The following ERC1 variants were observed in gnomAD, a reference collection of about 807,000 sequenced individuals.
The protein encoded by ERC1 is RAB6 interacting protein 2.
ERC1 carries 56 observed loss-of-function variants against 132.0 expected under a neutral mutation model. The observed-to-expected ratio is 0.42, with a 90% confidence interval of 0.34 to 0.53. The LOEUF (loss-of-function observed/expected upper bound fraction) is 0.53. Ranked by LOEUF, ERC1 falls within the 20% of genes least tolerant of loss-of-function variation. ERC1 has a pLI of 0.03. For synonymous variants in ERC1, 478 were observed against 476.1 expected, an observed-to-expected ratio of 1.00 and a Z score of -0.05; for missense variants, 1,202 against 1,349.9, an observed-to-expected ratio of 0.89 and a Z score of 1.72.
chr12:1,067,392 A>G (rs930703676), intron 2 of ERC1, among the ~76,000 whole-genome samples: 5 of 152,232 alleles, frequency 3.3e-5, no homozygotes, highest in African/African-American at 1.2e-4. Flanking sequence ...AAGTAATGTT[A>G]ATAAATGGTA....
intron 12 of ERC1, among the ~76,000 whole-genome samples, chr12:1,200,406 G>A (rs187763128): frequency 9.9e-5 from 15 of 151,990 alleles, no homozygotes; most frequent in African/African-American, 3.6e-4. Context: ...ACCTCCTTTC[G>A]CTAGTAATCT....
chr12:1,057,597 T>C (rs887851115), intron 2 of ERC1, among the ~76,000 whole-genome samples: 1 of 144,568 alleles, frequency 6.9e-6, no homozygotes, highest in Non-Finnish European at 1.5e-5. Flanking sequence ...TTTTTTTTTT[T>C]TTTTTTTTTT....
intron 8 of ERC1, among the ~76,000 whole-genome samples, chr12:1,154,962 C>T (rs574484874): frequency 4.6e-5 from 7 of 152,196 alleles, no homozygotes; most frequent in South Asian, 2.1e-4. Flanking sequence ...TTGGAGCAAA[C>T]GTAAATTAGT....
At chr12:1,372,045 G>T in intron 16 of ERC1, 68 bp downstream of exon 16, 1 of 1,556,962 alleles carries the variant, frequency 6.4e-7, no homozygotes, top group Non-Finnish European at 8.7e-7. Flanking sequence ...ACAGGTCTTT[G>T]CCAGCTTGTA....
At chr12:1,022,978 A>G (rs1400297540) in intron 1 of ERC1, among the ~76,000 whole-genome samples, 9 of 152,112 alleles carry the variant, frequency 5.9e-5, no homozygotes, top group Non-Finnish European at 1.0e-4. Context: ...TCCTGCCGCC[A>G]TGTGAAGAAG....
intron 12 of ERC1, among the ~76,000 whole-genome samples, chr12:1,197,955 G>A (rs1594151308): frequency 6.6e-6 from 1 of 151,312 alleles, no homozygotes; most frequent in South Asian, 2.1e-4. Flanking sequence ...TTTGAGGCAG[G>A]GTCTCTCTCA....
intron 16 of ERC1, among the ~76,000 whole-genome samples, chr12:1,399,566 C>T (rs2090845025): frequency 2.0e-5 from 3 of 152,210 alleles, no homozygotes; most frequent in Non-Finnish European, 4.4e-5. Context: ...TTCCCCCAGG[C>T]CTGGCAACCA....
chr12:1,075,159 T>G (rs1941125260), intron 2 of ERC1, among the ~76,000 whole-genome samples: 1 of 152,122 alleles, frequency 6.6e-6, no homozygotes, highest in African/African-American at 2.4e-5. Context: ...ATTAGTTTCT[T>G]CTTTTAAAAT....
chr12:1,095,919 C>T (rs142948226), intron 3 of ERC1, among the ~76,000 whole-genome samples: 8 of 149,514 alleles, frequency 5.4e-5, no homozygotes, highest in East Asian at 3.9e-4. Flanking sequence ...CTTTATTGTA[C>T]GCAGGGAAGG....
intron 10 of ERC1, among the ~76,000 whole-genome samples, chr12:1,182,412 T>A (rs888248784): frequency 6.6e-6 from 1 of 152,138 alleles, no homozygotes; most frequent in African/African-American, 2.4e-5. Context: ...AGGAGGAAAT[T>A]TTATGTATAG....
At chr12:1,482,466 G>A (rs941989392) in intron 18 of ERC1, among the ~76,000 whole-genome samples, 24 of 152,044 alleles carry the variant, frequency 1.6e-4, no homozygotes. Context: ...GTTTGTTTGA[G>A]ATGGAGTTTC....
At chr12:1,450,368 C>A (rs951771010) in intron 18 of ERC1, among the ~76,000 whole-genome samples, 3 of 152,196 alleles carry the variant, frequency 2.0e-5, no homozygotes, top group South Asian at 4.1e-4. Flanking sequence ...TGATTTTACT[C>A]CTGTAAGGGT....
chr12:1,075,224 G>A (rs1053603635), intron 2 of ERC1, among the ~76,000 whole-genome samples: 3 of 151,968 alleles, frequency 2.0e-5, no homozygotes, highest in Non-Finnish European at 2.9e-5. Flanking sequence ...TGTACAAAGT[G>A]GGGTTATATC....
intron 15 of ERC1, among the ~76,000 whole-genome samples, chr12:1,359,861 C>G (rs779256211): frequency 6.6e-6 from 1 of 152,066 alleles, no homozygotes; most frequent in Non-Finnish European, 1.5e-5. Flanking sequence ...AAAAGAGTTA[C>G]GTCATCTTTA....
intron 18 of ERC1, among the ~76,000 whole-genome samples, chr12:1,466,722 A>G (rs867827792): frequency 6.6e-6 from 1 of 152,178 alleles, no homozygotes; most frequent in Middle Eastern, 3.2e-3. Context: ...TTACTTCAAT[A>G]AAGAATGCTG....
intron 6 of ERC1, among the ~76,000 whole-genome samples, chr12:1,113,206 C>CCAAG (rs1946079669): frequency 6.6e-6 from 1 of 152,142 alleles, no homozygotes; most frequent in Non-Finnish European, 1.5e-5. Flanking sequence ...ATTTTGGTAT[C>CCAAG]CAAGGTGTGT....
chr12:1,014,419 A>G (rs915174059), intron 1 of ERC1, among the ~76,000 whole-genome samples: 4 of 151,732 alleles, frequency 2.6e-5, no homozygotes, highest in African/African-American at 9.7e-5. Flanking sequence ...CAGGAGATCC[A>G]CCCATCTTGG....
At chr12:1,305,300 C>A (rs1308441359) in intron 15 of ERC1, among the ~76,000 whole-genome samples, 1 of 152,134 alleles carries the variant, frequency 6.6e-6, no homozygotes, top group Non-Finnish European at 1.5e-5. Context: ...ATGAGTAATT[C>A]TTTTCCTACC....
At chr12:1,029,783 T>C (rs558482655) in intron 2 of ERC1, among the ~76,000 whole-genome samples, 1 of 145,300 alleles carries the variant, frequency 6.9e-6, no homozygotes, top group South Asian at 2.2e-4. Context: ...AGTCTTGCTC[T>C]GTCTCCCAGG....
Sources: gnomAD v4.1 joint callset for allele counts (sites outside exome capture counted in the v4.1 genomes callset) on GRCh38, gnomAD v4.1.1 for gene constraint, MANE v1.5 for transcripts, NCBI Gene and HGNC (gene_info 2026-07-23, HGNC 2026-07-21) for gene names.